Variants in ZNF433 observed in about 807,000 individuals in gnomAD.
ZNF433 encodes the protein zinc finger protein 433.
Under a neutral mutation model 10.6 loss-of-function variants are expected in ZNF433, and 12 were observed. That is an observed-to-expected ratio of 1.13 (90% CI 0.72 to 1.83). The LOEUF is 1.83. Ranked by LOEUF, ZNF433 falls within the 40% of genes most tolerant of loss-of-function variation. ZNF433 has a pLI of 0.00. For missense variants in ZNF433, 737 were observed against 798.0 expected (o/e 0.92, Z 0.92); for synonymous variants, 272 against 271.3 (o/e 1.00, Z -0.02).
chr19:12,035,454 A>G, intron 1 of ZNF433, 83 bp downstream of exon 1: 2 of 1,532,770 alleles, frequency 1.3e-6, no homozygotes, highest in Non-Finnish European at 1.8e-6. Context: ...CGCCGCGGGG[A>G]GGCCCGGGTC....
Position 12,018,166 on chromosome 19 carries a change from CTA to C in ZNF433, c.128_129del (p.Ile43ArgfsTer29). The C allele has an allele frequency of 6.3e-7, 1 of 1,583,458 alleles. No homozygotes were observed. Among genetic ancestry groups the C allele is most frequent in the Non-Finnish European group, 8.5e-7 (1 of 1,170,260 alleles). ...AAGGAAGTAATGTTGTCACCCTTAC[CTA>C]TAGAGGCCAGGTTCCTGAAGGTTTC... ...MQETFRNLAS[I>X]GKKWKPQNIY... On this transcript the variant is annotated frameshift_variant and splice_region_variant, in exon 2 of 4. Transcript: ENST00000550507. LOFTEE classifies it high-confidence loss of function.
intron 3 of ZNF433, among the ~76,000 whole-genome samples, chr19:12,017,348 G>A (rs1974259345): frequency 6.6e-6 from 1 of 151,710 alleles, no homozygotes; most frequent in Non-Finnish European, 1.5e-5. Context: ...GATAACAGGT[G>A]TCCACCACGA....
Position 12,014,932 on chromosome 19 carries a change from G to C in ZNF433, c.1926C>G (p.Pro642=), listed in dbSNP as rs1974080504. The part of the protein sequence containing the change: ...RHGRTHTGEK[P]YKCNQCGKVF... Reference sequence around the variant, plus strand: ...CTTTACCACATTGGTTACATTTATAGGGTTTCTCTCCAGTGTGAGTCCTTC... The same window carrying C: ...CTTTACCACATTGGTTACATTTATACGGTTTCTCTCCAGTGTGAGTCCTTC... The change falls in exon 4 of 4, where the codon CCC becomes CCG. Residue 642 remains proline, a synonymous_variant. Coordinates refer to ENST00000550507, the MANE Select transcript of ZNF433 (RefSeq NM_001308348.2). 1 of 1,613,950 alleles carries C rather than the reference G, an allele frequency of 6.2e-7. No individual in the cohort carries two copies. The highest frequency in any genetic ancestry group is 8.5e-7 in the Non-Finnish European group (1 of 1,179,948).
rs1428820506 is a variant in ZNF433, at chr19:12,015,069, CAA to C, written c.1787_1788del (p.Phe596TrpfsTer20). The stretch of plus-strand genomic sequence containing the variant: ...TGCATTTGAAGTCGCGAGGCACATC[CAA>C]AAGACTTCCCACACTGCTTACATTC... ...PYECKQCGKS[F>X]GCASRLQMHG... On this transcript the variant is annotated frameshift_variant, in exon 4 of 4. Transcript: ENST00000550507. LOFTEE classifies it low-confidence loss of function (END_TRUNC). 32 of 1,611,270 alleles carry C rather than the reference CAA, an allele frequency of 2.0e-5. No individual in the cohort carries two copies. The Admixed American group carries it at 5.4e-4, about 27-fold the overall frequency.
At chr19:12,031,049 G>A (rs1330751714) in intron 1 of ZNF433, among the ~76,000 whole-genome samples, 1 of 152,104 alleles carries the variant, frequency 6.6e-6, no homozygotes, top group Non-Finnish European at 1.5e-5. Context: ...TGTACTCCCA[G>A]CACTTTGGGA....
chr19:12,019,449 C>T (rs1039992301), intron 1 of ZNF433, among the ~76,000 whole-genome samples: 2 of 152,016 alleles, frequency 1.3e-5, no homozygotes, highest in African/African-American at 4.8e-5. Flanking sequence ...GAGATGACAC[C>T]ATCAACAAAG....
intron 1 of ZNF433, among the ~76,000 whole-genome samples, chr19:12,022,497 G>A (rs540039978): frequency 2.6e-5 from 4 of 152,252 alleles, no homozygotes; most frequent in South Asian, 2.1e-4. Flanking sequence ...CTCCATGACC[G>A]AGATGGTCTT....
intron 1 of ZNF433, among the ~76,000 whole-genome samples, chr19:12,020,001 G>A (rs1161125074): frequency 6.6e-6 from 1 of 152,186 alleles, no homozygotes; most frequent in Non-Finnish European, 1.5e-5. Context: ...GCCAGGTATG[G>A]TGGCTCACAC....
At chr19:12,026,884 T>C (rs1232017547) in intron 1 of ZNF433, 1 of 453,970 alleles carries the variant, frequency 2.2e-6, no homozygotes, top group South Asian at 1.6e-5. Context: ...TGATAAGAAG[T>C]ATGGCAAGAG....
chr19:12,035,678 A>C lies in ZNF433; in HGVS notation c.-139T>G. 1 of 1,214,968 alleles carries C rather than the reference A, an allele frequency of 8.2e-7. No homozygotes were observed. Among genetic ancestry groups the C allele is most frequent in the Non-Finnish European group, 1.1e-6 (1 of 870,096 alleles). The allele number at this position is 1,214,968 out of a possible 1,614,324, so 75.3% of individuals were successfully genotyped here. On this transcript the variant is annotated 5_prime_UTR_variant, in exon 1 of 4. Transcript: ENST00000550507. ...GCTCGCCGCCTGGAGCCGGGAACCG[A>C]GGAGAGCAGGGCCTTCGCCCTCCCC...
chr19:12,016,528 G>T lies in ZNF433; in HGVS notation c.330C>A (p.Gly110=). Residue 110 remains glycine (G), a synonymous_variant, in exon 4 of 4, where the codon GGC becomes GGA. Coordinates refer to ENST00000550507, the MANE Select transcript of ZNF433 (RefSeq NM_001308348.2). ...GCCTATTAAGAGATGAATGAGCACTGCCTACTTCTCCATACACACTGCTTT... is the reference window on the plus strand; with the variant it reads ...GCCTATTAAGAGATGAATGAGCACTTCCTACTTCTCCATACACACTGCTTT... ...SCESSVYGEV[G]SAHSSLNRHI... The T allele has an allele frequency of 1.2e-6, 2 of 1,614,114 alleles. No homozygotes were observed. Among genetic ancestry groups the T allele is most frequent in the Non-Finnish European group, 1.7e-6 (2 of 1,180,004 alleles).
At chr19:12,027,067 T>C (rs1278346201) in intron 1 of ZNF433, 3 of 447,490 alleles carry the variant, frequency 6.7e-6, no homozygotes, top group South Asian at 1.6e-5. Flanking sequence ...ACTTGGATAT[T>C]GCAAAATTAA....
At chr19:12,021,996 G>C in intron 1 of ZNF433, 1 of 456,548 alleles carries the variant, frequency 2.2e-6, no homozygotes, top group Non-Finnish European at 4.4e-6. Flanking sequence ...CGCTGTGATA[G>C]AGACTTAGGT....
intron 1 of ZNF433, among the ~76,000 whole-genome samples, chr19:12,021,394 A>C (rs1448668252): frequency 6.6e-6 from 1 of 152,138 alleles, no homozygotes; most frequent in Admixed American, 6.6e-5. Context: ...TGCACAGAGA[A>C]TCTCTCCCAC....
At chr19:12,016,961 T>C (rs157182) in intron 3 of ZNF433, among the ~76,000 whole-genome samples, 21,169 of 151,996 alleles carry the variant, frequency 0.14, 3,445 homozygotes, top group African/African-American at 0.4. Context: ...AGACTGGTCT[T>C]GAACTCCTGA....
rs771051239 is a variant in ZNF433 at position 12,015,891 on chromosome 19, G to C, written c.967C>G (p.Arg323Gly). 1 of 1,613,678 alleles carries C rather than the reference G, an allele frequency of 6.2e-7. No individual in the cohort carries two copies. Among genetic ancestry groups the C allele is most frequent in the Non-Finnish European group, 8.5e-7 (1 of 1,179,882 alleles). The change falls in exon 4 of 4, where the codon CGC (arginine) becomes GGC (glycine). Residue 323 changes from arginine (R) to glycine (G), a missense_variant. Arg to Gly is a moderately radical substitution (Grantham distance 125). Transcript: ENST00000550507. ...GKAFKCPSSV[R>G]RHERTHSRKK... is the part of the protein sequence containing the mutation. ...CTAGAGTGGGTTCTTTCATGTCTGC[G>C]AACAGAACTGGGACACTTGAATGCT...
At chr19:12,021,356 A>G (rs1974487433) in intron 1 of ZNF433, among the ~76,000 whole-genome samples, 1 of 152,160 alleles carries the variant, frequency 6.6e-6, no homozygotes, top group South Asian at 2.1e-4. Flanking sequence ...TGCAGAGCCC[A>G]GTTATAGCAA....
intron 1 of ZNF433, among the ~76,000 whole-genome samples, chr19:12,020,357 G>A (rs1309435568): frequency 6.6e-6 from 1 of 152,122 alleles, no homozygotes; most frequent in Non-Finnish European, 1.5e-5. Context: ...ATGAAGTGGT[G>A]CTCAACATCA....
At chr19:12,021,146 A>AT (rs891013575) in intron 1 of ZNF433, among the ~76,000 whole-genome samples, 4 of 151,510 alleles carry the variant, frequency 2.6e-5, no homozygotes, top group African/African-American at 7.3e-5. Flanking sequence ...TACCCGGCTA[A>AT]TTTTTTTGTA....
Sources: gnomAD v4.1 joint callset for allele counts (sites outside exome capture counted in the v4.1 genomes callset) on GRCh38, gnomAD v4.1.1 for gene constraint, MANE v1.5 for transcripts, NCBI Gene and HGNC (gene_info 2026-07-23, HGNC 2026-07-21) for gene names.